Variants in DLG2 observed in about 807,000 individuals in gnomAD.
DLG2 encodes discs large MAGUK scaffold protein 2, also known as disks large homolog 2.
DLG2 carries 45 observed loss-of-function variants against 132.5 expected under a neutral mutation model. The ratio of observed to expected loss-of-function variants is 0.34; its 90% CI spans 0.27 to 0.44. The LOEUF (loss-of-function observed/expected upper bound fraction) is 0.44, where lower values mean the gene tolerates loss of function less well. Among genes scored for constraint, DLG2 ranks in the 20% least tolerant of loss-of-function variants. The pLI is 1.00. For synonymous variants in DLG2, 424 were observed against 419.6 expected, an observed-to-expected ratio of 1.01 and a Z score of -0.13; for missense variants, 1,045 against 1,196.9, an observed-to-expected ratio of 0.87 and a Z score of 1.87.
chr11:83,831,871 A>G (rs903143305), intron 17 of DLG2, among the ~76,000 whole-genome samples: 2 of 152,190 alleles, frequency 1.3e-5, no homozygotes, highest in Admixed American at 6.5e-5. Context: ...AGAAGGAGAC[A>G]GCCAATAAAT....
intron 19 of DLG2, among the ~76,000 whole-genome samples, chr11:83,598,000 A>C (rs1041312598): frequency 2.6e-5 from 4 of 152,200 alleles, no homozygotes; most frequent in African/African-American, 7.2e-5. Context: ...CTTGTTTAGG[A>C]TCCCAAAGTC....
At chr11:83,509,157 G>A (rs1025491528) in intron 21 of DLG2, among the ~76,000 whole-genome samples, 2 of 152,224 alleles carry the variant, frequency 1.3e-5, no homozygotes, top group Non-Finnish European at 2.9e-5. Flanking sequence ...GGTGTCAGAC[G>A]GGCCAGGCAC....
rs550823814 is a variant in DLG2 at position 83,480,346 on chromosome 11, A to G, written c.2293+3783T>C. 770 of 1,531,670 alleles carry G rather than the reference A, an allele frequency of 5.0e-4. 17 individuals are homozygous for G. In the South Asian group the frequency reaches 8.8e-3, roughly 18 times the overall value. 94.9% of individuals were successfully genotyped at this position (1,531,670 alleles called of 1,614,324 possible). On this transcript the variant is annotated intron_variant, in intron 22 of 27. Transcript: ENST00000376104. ...GCAATGGGGCAATTGCAAAGAAAAT[A>G]ACCGCAAACCAAAGCAGTAACTTAC...
chr11:85,066,798 A>G (rs948315651), intron 6 of DLG2, among the ~76,000 whole-genome samples: 20 of 151,902 alleles, frequency 1.3e-4, no homozygotes, highest in South Asian at 8.3e-4. Context: ...CTTCAAGACA[A>G]TAAAAGCCAT....
At chr11:83,548,689 T>A (rs1284050147) in intron 19 of DLG2, among the ~76,000 whole-genome samples, 1 of 152,160 alleles carries the variant, frequency 6.6e-6, no homozygotes, top group Non-Finnish European at 1.5e-5. Context: ...TTATTTCTAT[T>A]TTGTAGATAA....
intron 6 of DLG2, 25 bp downstream of exon 6, chr11:85,111,636 C>T: frequency 6.6e-7 from 1 of 1,519,510 alleles, no homozygotes. Context: ...CTTCAATCTG[C>T]TAATCTTGGA....
At chr11:84,568,793 A>G (rs1199889671) in intron 6 of DLG2, among the ~76,000 whole-genome samples, 1 of 152,206 alleles carries the variant, frequency 6.6e-6, no homozygotes, top group Non-Finnish European at 1.5e-5. Flanking sequence ...TTCAAAGAAG[A>G]GAAGAGCTAG....
chr11:83,816,330 C>T (rs2048910740), intron 17 of DLG2, among the ~76,000 whole-genome samples: 1 of 152,184 alleles, frequency 6.6e-6, no homozygotes, highest in Non-Finnish European at 1.5e-5. Context: ...CCATTCTAAA[C>T]TGGTACAATT....
At chr11:83,569,570 G>C (rs2096764296) in intron 19 of DLG2, among the ~76,000 whole-genome samples, 2 of 152,194 alleles carry the variant, frequency 1.3e-5, no homozygotes, top group African/African-American at 4.8e-5. Context: ...CTAAGAAGCT[G>C]ATCTGGGATG....
Position 84,937,296 on chromosome 11 carries a change from C to A in DLG2, c.357+174365G>T, listed in dbSNP as rs775638798. On this transcript the variant is annotated intron_variant, in intron 6 of 27. Transcript: ENST00000376104. ...TTAATTTATGAAATCTGTAAAACAACCACATTAGTTAGGTTTTATCATATT... is the reference window on the plus strand; with the variant it reads ...TTAATTTATGAAATCTGTAAAACAAACACATTAGTTAGGTTTTATCATATT... Among the ~76,000 whole-genome samples the A allele has an allele frequency of 3.3e-5, 5 of 151,836 alleles. No individual in the cohort carries two copies. The South Asian group carries it at 1.0e-3, about 32-fold the overall frequency.
At chr11:85,580,071 T>C (rs2078415590) in intron 3 of DLG2, among the ~76,000 whole-genome samples, 1 of 152,152 alleles carries the variant, frequency 6.6e-6, no homozygotes, top group Admixed American at 6.5e-5. Flanking sequence ...CAAGATCTGA[T>C]GGTTTTATAA....
In DLG2 at chr11:84,059,592, A is replaced by C. The variant is rs1046340990; in HGVS notation, c.750-108T>G. The C allele has an allele frequency of 1.6e-5, 14 of 877,504 alleles. No homozygotes were observed. The East Asian group carries it at 4.3e-4, about 27-fold the overall frequency. The allele number at this position is 877,504 out of a possible 1,614,324, so 54.4% of individuals were successfully genotyped here. On this transcript the variant is annotated intron_variant, in intron 10 of 27. Transcript: ENST00000376104. ...GAAGTGGGAAAGTAAAGAATCTAAA[A>C]AATTTTAAAATATTTAAATTTGGAA... is the stretch of plus-strand genomic sequence containing the variant.
At chr11:83,965,942 A>G (rs964255436) in intron 12 of DLG2, among the ~76,000 whole-genome samples, 1 of 152,052 alleles carries the variant, frequency 6.6e-6, no homozygotes, top group Admixed American at 6.6e-5. Context: ...GCAGCAATGT[A>G]GTTTAACAAG....
At chr11:84,059,701 A>C (rs766544425) in intron 10 of DLG2, among the ~76,000 whole-genome samples, 30 of 152,150 alleles carry the variant, frequency 2.0e-4, no homozygotes, top group Admixed American at 1.8e-3. Flanking sequence ...TGACCATACT[A>C]CTGGTCAGTT....
chr11:83,503,369 TTATATATATA>T (rs34969401), intron 21 of DLG2, among the ~76,000 whole-genome samples: 15,418 of 90,636 alleles, frequency 0.17, 1,825 homozygotes, highest in Non-Finnish European at 0.2. Context: ...ACACACCCAT[TTATATATATA>T]TATATATATA....
At chr11:84,340,565 T>C (rs886243065) in intron 7 of DLG2, among the ~76,000 whole-genome samples, 1 of 152,094 alleles carries the variant, frequency 6.6e-6, no homozygotes, top group Admixed American at 6.5e-5. Context: ...TCTGATCCAT[T>C]TTACAGATCA....
At chr11:84,488,201 A>G (rs1469224829) in intron 7 of DLG2, among the ~76,000 whole-genome samples, 1 of 152,144 alleles carries the variant, frequency 6.6e-6, no homozygotes, top group South Asian at 2.1e-4. Flanking sequence ...CAACCTGTTG[A>G]AAGTCAAAGA....
intron 15 of DLG2, among the ~76,000 whole-genome samples, chr11:83,891,121 T>C (rs61901777): frequency 0.019 from 2,928 of 152,226 alleles, 52 homozygotes; most frequent in Non-Finnish European, 0.03. Context: ...AAAAGGTACA[T>C]TTTGGAGTCA....
chr11:84,426,303 A>T (rs545302723), intron 7 of DLG2, among the ~76,000 whole-genome samples: 2 of 152,222 alleles, frequency 1.3e-5, no homozygotes, highest in Non-Finnish European at 2.9e-5. Flanking sequence ...ATATTGGACC[A>T]AAAAAATTCC....
Sources: allele counts gnomAD v4.1 joint callset (sites outside exome capture counted in the v4.1 genomes callset), GRCh38; gene constraint gnomAD v4.1.1; transcripts MANE v1.5; gene names NCBI Gene and HGNC (gene_info 2026-07-23, HGNC 2026-07-21).